Variants in DNAH7 observed in about 807,000 individuals in gnomAD.
DNAH7 encodes axonemal beta dynein heavy chain 7.
In DNAH7, 397 loss-of-function variants were observed where a neutral mutation model predicts 444.6. The ratio of observed to expected loss-of-function variants is 0.89; its 90% CI spans 0.82 to 0.97. DNAH7 has a LOEUF of 0.97. Among genes scored for constraint, DNAH7 ranks in the 50% least tolerant of loss-of-function variants. DNAH7 has a pLI of 0.00. For synonymous variants in DNAH7, 1,636 were observed against 1,624.4 expected (o/e 1.01, Z -0.17); for missense variants, 4,902 against 4,800.8 (o/e 1.02, Z -0.62).
intron 14 of DNAH7, among the ~76,000 whole-genome samples, chr2:195,985,320 G>A (rs1402013440): frequency 1.3e-5 from 2 of 152,184 alleles, no homozygotes; most frequent in African/African-American, 4.8e-5. Context: ...GGGATAATGG[G>A]TTAAAGTCTG....
chr2:195,977,767 C>G (rs1040386803), intron 15 of DNAH7, among the ~76,000 whole-genome samples: 1 of 151,898 alleles, frequency 6.6e-6, no homozygotes, highest in African/African-American at 2.4e-5. Flanking sequence ...TAAACAACCC[C>G]CAATGGAGCT....
chr2:196,058,666 A>G (rs1697961131), intron 1 of DNAH7, among the ~76,000 whole-genome samples: 1 of 152,208 alleles, frequency 6.6e-6, no homozygotes, highest in African/African-American at 2.4e-5. Context: ...GAAACCATAA[A>G]ACATTATTGA....
chr2:195,819,725 C>T (rs187022409), intron 49 of DNAH7, among the ~76,000 whole-genome samples: 26 of 152,152 alleles, frequency 1.7e-4, no homozygotes, highest in African/African-American at 5.3e-4. Flanking sequence ...AGGACTTCCC[C>T]CAAGCAAAGG....
intron 21 of DNAH7, among the ~76,000 whole-genome samples, chr2:195,931,117 C>T (rs1385509500): frequency 6.6e-6 from 1 of 152,026 alleles, no homozygotes; most frequent in Non-Finnish European, 1.5e-5. Flanking sequence ...CAATCACTCC[C>T]CAAACCTCAG....
At chr2:195,863,354 C>T (rs1040631297) in intron 41 of DNAH7, among the ~76,000 whole-genome samples, 1 of 152,130 alleles carries the variant, frequency 6.6e-6, no homozygotes, top group African/African-American at 2.4e-5. Flanking sequence ...GATTTTTTAC[C>T]ACACAGGTAG....
chr2:195,954,571 T>C (rs1690504974), intron 19 of DNAH7, among the ~76,000 whole-genome samples: 1 of 152,244 alleles, frequency 6.6e-6, no homozygotes, highest in Non-Finnish European at 1.5e-5. Context: ...TCAAATGGTA[T>C]TTCTAGTTCT....
chr2:195,987,978 T>C lies in DNAH7; in HGVS notation c.1605A>G (p.Glu535=). The change falls in exon 13 of 65, where the codon GAA becomes GAG. Residue 535 remains glutamate, a synonymous_variant. Transcript: ENST00000312428. ...EICKYQKLIE[E]IQYTSIKTIR... ...TTACCTTTATGGATGTGTACTGTAT[T>C]TCCTCTATTAGTTTCTGGTATTTGC... 1.2e-6 allele frequency: 2 copies of C among 1,611,656 alleles called. No homozygotes were observed. Among genetic ancestry groups the C allele is most frequent in the Non-Finnish European group, 1.7e-6 (2 of 1,178,800 alleles).
At chr2:195,818,681 T>TG (rs1325434410) in intron 49 of DNAH7, among the ~76,000 whole-genome samples, 1 of 152,128 alleles carries the variant, frequency 6.6e-6, no homozygotes, top group Non-Finnish European at 1.5e-5. Context: ...CTTTACAATC[T>TG]GCTCCCTGCC....
chr2:196,047,588 C>A, intron 4 of DNAH7, 89 bp from the exon 5 acceptor site: 1 of 1,149,924 alleles, frequency 8.7e-7, no homozygotes, highest in Non-Finnish European at 1.2e-6. Context: ...TGCTAAATCA[C>A]CTTTTAATAA....
intron 14 of DNAH7, among the ~76,000 whole-genome samples, chr2:195,986,772 A>G (rs1274670026): frequency 1.3e-5 from 2 of 152,236 alleles, no homozygotes; most frequent in Non-Finnish European, 2.9e-5. Flanking sequence ...TGATTACACA[A>G]ATATAAAAAT....
intron 1 of DNAH7, 75 bp downstream of exon 1, chr2:196,068,621 AG>A: frequency 6.5e-7 from 1 of 1,540,902 alleles, no homozygotes; most frequent in Non-Finnish European, 8.8e-7. Context: ...GCTAGGCAGG[AG>A]GGGCTTCCAC....
chr2:195,955,645 C>T (rs895107869), intron 19 of DNAH7, among the ~76,000 whole-genome samples: 1 of 152,050 alleles, frequency 6.6e-6, no homozygotes, highest in African/African-American at 2.4e-5. Flanking sequence ...ATTTACAAGG[C>T]CCAACACAGC....
At chr2:195,891,560 G>C in intron 31 of DNAH7, 95 bp downstream of exon 31, 2 of 1,097,924 alleles carry the variant, frequency 1.8e-6, no homozygotes, top group Non-Finnish European at 2.5e-6. Context: ...TTAATCTATA[G>C]ATACAATTAG....
rs199553435 is a variant in DNAH7, at chr2:195,906,656, T to C, written c.4335+3A>G. Reference sequence around the variant, plus strand: ...ATAGATTATATAATAACTCCTTCCATACCTTCAGGTTATCTGGCAGTTCTG... The same window carrying C: ...ATAGATTATATAATAACTCCTTCCACACCTTCAGGTTATCTGGCAGTTCTG... On this transcript the variant is annotated splice_donor_region_variant and intron_variant, in intron 27 of 64. Transcript: ENST00000312428. 72 of 1,610,054 alleles carry C rather than the reference T, an allele frequency of 4.5e-5. No homozygotes were observed. The Middle Eastern group carries it at 5.0e-4, about 11-fold the overall frequency.
chr2:196,068,768 C>G lies in DNAH7; in HGVS notation c.-57G>C. The G allele has an allele frequency of 6.5e-7, 1 of 1,546,120 alleles. No individual in the cohort carries two copies. The highest frequency in any genetic ancestry group is 8.7e-7 in the Non-Finnish European group (1 of 1,145,036). ...TTCTGGGTTGCTCCTGCCCGCGGAA[C>G]CCCTAGGACGATAGAGGCAGGGCCC... On this transcript the variant is annotated 5_prime_UTR_variant, in exon 1 of 65. Coordinates refer to ENST00000312428, the MANE Select transcript of DNAH7 (RefSeq NM_018897.3).
At chr2:195,789,813 A>T (rs553600152) in intron 57 of DNAH7, among the ~76,000 whole-genome samples, 1 of 152,240 alleles carries the variant, frequency 6.6e-6, no homozygotes, top group Admixed American at 6.5e-5. Context: ...ACAGAGAGGA[A>T]GTCCTAGCCA....
At chr2:195,911,857 A>T (rs1687377440) in intron 24 of DNAH7, among the ~76,000 whole-genome samples, 1 of 152,234 alleles carries the variant, frequency 6.6e-6, no homozygotes, top group African/African-American at 2.4e-5. Flanking sequence ...ATTGCCTAGT[A>T]AGGGGAAGAA....
At chr2:195,755,858 G>C (rs1694043003) in intron 62 of DNAH7, among the ~76,000 whole-genome samples, 1 of 152,128 alleles carries the variant, frequency 6.6e-6, no homozygotes, top group Admixed American at 6.5e-5. Flanking sequence ...AGCTTGACTG[G>C]CTTTCGAAAA....
Position 195,987,159 on chromosome 2 carries a change from T to A in DNAH7, c.1661A>T (p.Glu554Val). Reference protein sequence around the residue: ...IRLGMFEMHCEELIRALVKRA... With the variant: ...IRLGMFEMHCVELIRALVKRA... ...CTTCACCAAAGCTCTGATTAATTCC[T>A]CACAGTGCATTTCAAACATTCCTAA... The change falls in exon 14 of 65, where the codon GAG (glutamate) becomes GTG (valine). Residue 554 changes from glutamate to valine, a missense_variant. Coordinates refer to ENST00000312428, the MANE Select transcript of DNAH7 (RefSeq NM_018897.3). The A allele has an allele frequency of 6.2e-7, 1 of 1,604,432 alleles. No homozygotes were observed. Among genetic ancestry groups the A allele is most frequent in the Non-Finnish European group, 8.5e-7 (1 of 1,175,896 alleles).
Sources: gnomAD v4.1 joint callset for allele counts (sites outside exome capture counted in the v4.1 genomes callset) on GRCh38, gnomAD v4.1.1 for gene constraint, MANE v1.5 for transcripts, NCBI Gene and HGNC (gene_info 2026-07-23, HGNC 2026-07-21) for gene names.